Variants in ANO1 observed in about 807,000 individuals in gnomAD.
The protein encoded by ANO1 is anoctamin 1.
ANO1 carries 59 observed loss-of-function variants against 124.0 expected under a neutral mutation model. The ratio of observed to expected loss-of-function variants is 0.48; its 90% CI spans 0.39 to 0.59. The LOEUF is 0.59. ANO1 is among the 20% of genes least tolerant of loss of function. ANO1 has a pLI of 0.00. For missense variants in ANO1, 1,059 were observed against 1,328.0 expected, an observed-to-expected ratio of 0.80 and a Z score of 3.15; for synonymous variants, 529 against 532.0, an observed-to-expected ratio of 0.99 and a Z score of 0.08.
intron 1 of ANO1, among the ~76,000 whole-genome samples, chr11:70,057,097 C>T (rs924495197): frequency 3.9e-5 from 6 of 152,078 alleles, no homozygotes; most frequent in Non-Finnish European, 7.4e-5. Flanking sequence ...GTTTCTATTG[C>T]CCTTTGGTTT....
intron 1 of ANO1, among the ~76,000 whole-genome samples, chr11:69,986,842 A>G (rs183912684): frequency 7.5e-4 from 114 of 152,204 alleles, no homozygotes; most frequent in Non-Finnish European, 1.0e-4. Context: ...AGGTTATTAA[A>G]TAAACCTAAG....
chr11:70,174,474 C>T (rs1438422085), intron 22 of ANO1, among the ~76,000 whole-genome samples: 2 of 152,152 alleles, frequency 1.3e-5, no homozygotes, highest in African/African-American at 4.8e-5. Context: ...CCACCATGGC[C>T]GTCTTTGCAC....
At chr11:70,172,517 C>A (rs1302520912) in intron 22 of ANO1, among the ~76,000 whole-genome samples, 1 of 152,170 alleles carries the variant, frequency 6.6e-6, no homozygotes, top group African/African-American at 2.4e-5. Flanking sequence ...AGATTCCATA[C>A]CAGCTTGATA....
Position 70,103,115 on chromosome 11 carries a change from T to C in ANO1, c.491T>C (p.Val164Ala). 6.2e-7 allele frequency: 1 copy of C among 1,613,004 alleles called. No individual in the cohort carries two copies. Among genetic ancestry groups the C allele is most frequent in the Non-Finnish European group, 8.5e-7 (1 of 1,179,566 alleles). ...GTGAAAATCCATGCCCCCTGGAACG[T>C]GCTGTGCAGAGAGGCCGAGTTTCTG... is the stretch of plus-strand genomic sequence containing the variant. ...GFVKIHAPWN[V>A]LCREAEFLKL... The change falls in exon 3 of 26, where the codon GTG becomes GCG. Residue 164 changes from valine to alanine, a missense_variant. Val to Ala is a moderately conservative substitution (Grantham distance 64). Around this residue, in one of 2 missense-constraint regions of ANO1, gnomAD observed 250 missense variants for 233.1 expected, o/e 1.07. Coordinates refer to ENST00000355303, the MANE Select transcript of ANO1 (RefSeq NM_018043.7).
Position 70,124,518 on chromosome 11 carries a change from C to T in ANO1, c.962+104C>T, listed in dbSNP as rs551843910. 426 of 1,226,848 alleles carry T rather than the reference C, an allele frequency of 3.5e-4. 1 individual carries two copies. The highest frequency in any genetic ancestry group is 4.5e-4 in the Non-Finnish European group (380 of 850,108). The allele number at this position is 1,226,848 out of a possible 1,614,324, so 76.0% of individuals were successfully genotyped here. A position where few individuals can be genotyped will look rare whatever the true frequency, so the allele number is the denominator to read the frequency against. ...GCTCTGAATGTTCAGTACCCGGGAA[C>T]GTGTTTGAACTCAAAGAGCTTGTGT... On this transcript the variant is annotated intron_variant, in intron 9 of 25. Coordinates refer to ENST00000355303, the MANE Select transcript of ANO1 (RefSeq NM_018043.7).
chr11:70,151,603 C>A (rs1041611897), intron 12 of ANO1, among the ~76,000 whole-genome samples: 1 of 152,178 alleles, frequency 6.6e-6, no homozygotes, highest in Non-Finnish European at 1.5e-5. Flanking sequence ...ATCTCCTGAC[C>A]CTGATGGCTT....
At chr11:70,041,003 G>A (rs1365346839) in intron 1 of ANO1, among the ~76,000 whole-genome samples, 1 of 152,220 alleles carries the variant, frequency 6.6e-6, no homozygotes, top group Non-Finnish European at 1.5e-5. Flanking sequence ...GTGGGGACCT[G>A]ATGGACAGGG....
intron 5 of ANO1, among the ~76,000 whole-genome samples, chr11:70,107,754 A>G (rs1326983077): frequency 6.6e-6 from 1 of 151,914 alleles, no homozygotes. Context: ...TGCTGAGGCC[A>G]CCAAACAAAA....
intron 1 of ANO1, chr11:70,072,928 G>A (rs914994113): frequency 6.6e-6 from 1 of 152,280 alleles, no homozygotes; most frequent in East Asian, 1.9e-4. Context: ...TCTATCAGAA[G>A]CTGTATCATG....
At chr11:69,970,363 G>A in the ANO1 span, among the ~76,000 whole-genome samples, 1 of 152,174 alleles carries the variant, frequency 6.6e-6, no homozygotes, top group East Asian at 1.9e-4. Context: ...AGCAGCCCCC[G>A]GAGCCCAGAG....
chr11:70,120,931 T>C (rs932736603), intron 8 of ANO1, among the ~76,000 whole-genome samples: 9 of 152,296 alleles, frequency 5.9e-5, no homozygotes, highest in Non-Finnish European at 1.0e-4. Flanking sequence ...TCACCGGGGC[T>C]AAGGTGCCAC....
At chr11:70,124,468 G>A in intron 9 of ANO1, 54 bp downstream of exon 9, 1 of 1,560,034 alleles carries the variant, frequency 6.4e-7, no homozygotes, top group Non-Finnish European at 8.8e-7. Context: ...ATGGCAGTCG[G>A]ATAACATCCC....
chr11:70,185,675 G>T lies in ANO1; in HGVS notation c.2674G>T (p.Ala892Ser). The T allele has an allele frequency of 1.9e-6, 3 of 1,613,942 alleles. No individual in the cohort carries two copies. The highest frequency in any genetic ancestry group is 2.5e-6 in the Non-Finnish European group (3 of 1,179,828). ...DFWAVLAARL[A>S]FVIVFQNLVM... The stretch of plus-strand genomic sequence containing the variant: ...CTGGGCCGTCCTGGCAGCCCGGCTG[G>T]CGTTTGTCATCGTCTTCCAGGTGCG... The change falls in exon 25 of 26, where the codon GCG (alanine) becomes TCG (serine). Residue 892 changes from alanine (A) to serine (S), a missense_variant. By Grantham distance (99) the Ala-to-Ser change is moderately conservative. Around this residue, in one of 2 missense-constraint regions of ANO1, gnomAD observed 809 missense variants for 1,094.9 expected, o/e 0.74. Coordinates refer to ENST00000355303, the MANE Select transcript of ANO1 (RefSeq NM_018043.7).
At chr11:70,007,248 G>A (rs1314149340) in intron 1 of ANO1, among the ~76,000 whole-genome samples, 2 of 148,690 alleles carry the variant, frequency 1.3e-5, no homozygotes, top group African/African-American at 5.0e-5. Flanking sequence ...TCAACTGGTA[G>A]CATATTGCAG....
chr11:70,031,310 A>G (rs1856997272), intron 1 of ANO1, among the ~76,000 whole-genome samples: 3 of 152,286 alleles, frequency 2.0e-5, no homozygotes, highest in South Asian at 4.1e-4. Flanking sequence ...TAGCATATCT[A>G]TCACCTCATC....
At chr11:69,966,417 T>C in the ANO1 span, among the ~76,000 whole-genome samples, 1 of 152,186 alleles carries the variant, frequency 6.6e-6, no homozygotes, top group Non-Finnish European at 1.5e-5. Flanking sequence ...TGACTCATTT[T>C]GCAAATCCCA....
At position 70,052,531 on chromosome 11, in the gene ANO1, C is replaced by CTTTTTTTTTTT. The variant is rs200770702; in HGVS notation, c.59-25983_59-25973dup. On this transcript the variant is annotated intron_variant, in intron 1 of 27. Transcript: ENST00000531349. ...TTTGGGGAGAATTTCTTTTTCTTTTCTTTTTTTTTTTTTTTTTTTTTTTTT... is the reference window on the plus strand; with the variant it reads ...TTTGGGGAGAATTTCTTTTTCTTTTCTTTTTTTTTTTTTTTTTTTTTTTTTTTTTTTTTTTT... 1.8e-3 allele frequency among the ~76,000 whole-genome samples: 119 copies of CTTTTTTTTTTT among 65,818 alleles called. 3 individuals are homozygous for CTTTTTTTTTTT. The highest frequency in any genetic ancestry group is 2.5e-3 in the Non-Finnish European group (76 of 29,892). The allele number at this position is 65,818 out of a possible 152,430, so 43.2% of individuals were successfully genotyped here. A position where few individuals can be genotyped will look rare whatever the true frequency, so the allele number is the denominator to read the frequency against.
Position 70,157,091 on chromosome 11 carries a change from G to T in ANO1, c.1578+70G>T, listed in dbSNP as rs895278987. 1.8e-5 allele frequency: 26 copies of T among 1,430,754 alleles called. 1 individual carries two copies. The South Asian group carries it at 3.0e-4, about 17-fold the overall frequency. 88.6% of individuals were successfully genotyped at this position (1,430,754 alleles called of 1,614,324 possible). On this transcript the variant is annotated intron_variant, in intron 16 of 25. Transcript: ENST00000355303. ...CAAGGAAGTGATTGGCTTCAGCCGG[G>T]CGTGGTGGTTCACGACTGTAATCCC...
chr11:70,145,461 A>AT (rs1415832108), intron 11 of ANO1, among the ~76,000 whole-genome samples: 2 of 152,082 alleles, frequency 1.3e-5, no homozygotes, highest in Non-Finnish European at 2.9e-5. Flanking sequence ...AAATGTCTTT[A>AT]TTTTTTAAAC....
Sources: allele counts gnomAD v4.1 joint callset (sites outside exome capture counted in the v4.1 genomes callset), GRCh38; gene constraint gnomAD v4.1.1; regional missense constraint gnomAD v4.1.1; transcripts MANE v1.5; gene names NCBI Gene and HGNC (gene_info 2026-07-23, HGNC 2026-07-21).